Variants in TPD52 observed in about 807,000 individuals in gnomAD.
The protein encoded by TPD52 is prostate and colon associated protein.
TPD52 carries 17 observed loss-of-function variants against 31.3 expected under a neutral mutation model. The ratio of observed to expected loss-of-function variants is 0.54; its 90% CI spans 0.37 to 0.82. TPD52 has a LOEUF of 0.82. Among genes scored for constraint, TPD52 ranks in the 40% least tolerant of loss-of-function variants. The probability of loss-of-function intolerance (pLI) is 0.00; values close to 1 mark genes in which losing one functional copy is unlikely to be tolerated. For missense variants in TPD52, 212 were observed against 240.1 expected (o/e 0.88, Z 0.77); for synonymous variants, 83 against 89.6 (o/e 0.93, Z 0.42).
At chr8:80,051,666 T>A in intron 3 of TPD52, 38 bp from the exon 4 acceptor site, 1 of 1,481,204 alleles carries the variant, frequency 6.8e-7, no homozygotes, top group Non-Finnish European at 9.1e-7. Context: ...AAAAGAAGGG[T>A]CAGCTCATCT....
At chr8:80,065,269 ATATATCTATATCTATATATC>A (rs1812997351) in intron 1 of TPD52, among the ~76,000 whole-genome samples, 1 of 144,286 alleles carries the variant, frequency 6.9e-6, no homozygotes, top group Non-Finnish European at 1.5e-5. Context: ...ATCTATCTAT[ATATATCTATATCTATATATC>A]TATATCTATC....
At chr8:80,161,346 C>T (rs1334099744) in intron 1 of TPD52, among the ~76,000 whole-genome samples, 1 of 152,180 alleles carries the variant, frequency 6.6e-6, no homozygotes, top group African/African-American at 2.4e-5. Context: ...CCCTGCCAAA[C>T]CATGTTCCTT....
chr8:80,079,138 T>C (rs1017465918), intron 1 of TPD52, among the ~76,000 whole-genome samples: 6 of 152,132 alleles, frequency 3.9e-5, no homozygotes, highest in Admixed American at 1.3e-4. Flanking sequence ...AAATTATACA[T>C]AAAATTTATA....
At chr8:80,163,263 A>G (rs1227871105) in intron 1 of TPD52, among the ~76,000 whole-genome samples, 1 of 152,240 alleles carries the variant, frequency 6.6e-6, no homozygotes, top group East Asian at 1.9e-4. Flanking sequence ...AAAATGTAGT[A>G]CATACATACA....
At chr8:80,070,435 G>A (rs1372586564) in intron 1 of TPD52, among the ~76,000 whole-genome samples, 2 of 152,114 alleles carry the variant, frequency 1.3e-5, no homozygotes, top group Admixed American at 6.5e-5. Flanking sequence ...ATTTTTCCAC[G>A]GCGGTTGGGG....
intron 1 of TPD52, among the ~76,000 whole-genome samples, chr8:80,163,597 TA>T (rs1354852342): frequency 6.6e-6 from 1 of 152,318 alleles, no homozygotes; most frequent in East Asian, 1.9e-4. Context: ...TAAAAACGAT[TA>T]AGATGGTAAA....
At chr8:80,108,653 G>A (rs1318312319) in intron 1 of TPD52, among the ~76,000 whole-genome samples, 1 of 152,120 alleles carries the variant, frequency 6.6e-6, no homozygotes, top group Non-Finnish European at 1.5e-5. Flanking sequence ...ATGAAAGTGG[G>A]TAAGAATTCT....
At chr8:80,124,565 C>A (rs932538089) in intron 1 of TPD52, among the ~76,000 whole-genome samples, 1 of 152,146 alleles carries the variant, frequency 6.6e-6, no homozygotes, top group African/African-American at 2.4e-5. Flanking sequence ...CATACACACA[C>A]AGTATGGCAT....
intron 1 of TPD52, among the ~76,000 whole-genome samples, chr8:80,155,159 G>C (rs1810872340): frequency 6.6e-6 from 1 of 152,000 alleles, no homozygotes; most frequent in African/African-American, 2.4e-5. Context: ...AACTGCTCCA[G>C]GCCTGATGTT....
At chr8:80,061,659 G>A (rs990165371) in intron 2 of TPD52, among the ~76,000 whole-genome samples, 11 of 152,210 alleles carry the variant, frequency 7.2e-5, no homozygotes, top group African/African-American at 2.2e-4. Context: ...ACTCTAGCAT[G>A]GGTGACAGAG....
intron 1 of TPD52, among the ~76,000 whole-genome samples, chr8:80,107,887 T>C (rs1807242910): frequency 6.6e-6 from 1 of 152,194 alleles, no homozygotes; most frequent in Admixed American, 6.5e-5. Flanking sequence ...GACAGATTGG[T>C]GTTGGCTCTG....
rs1261586223 is a variant in TPD52, at chr8:80,072,577, G to A, written c.20-7984C>T. On this transcript the variant is annotated intron_variant, in intron 1 of 7. Coordinates refer to ENST00000518937, the MANE Select transcript of TPD52 (RefSeq NM_001025253.3). Reference sequence around the variant, plus strand: ...TATATACATGTACACATAGATATGCGTGTATATACATGTACACATAGATAT... The same window carrying A: ...TATATACATGTACACATAGATATGCATGTATATACATGTACACATAGATAT... Among the ~76,000 whole-genome samples, 8 of 92,170 alleles carry A rather than the reference G, an allele frequency of 8.7e-5. 1 individual carries two copies. The highest frequency in any genetic ancestry group is 3.5e-4 in the Admixed American group (3 of 8,466). The allele number at this position is 92,170 out of a possible 152,430, so 60.5% of individuals were successfully genotyped here.
At chr8:80,081,543 TTCTAA>T (rs879646361) in intron 1 of TPD52, among the ~76,000 whole-genome samples, 3 of 151,996 alleles carry the variant, frequency 2.0e-5, no homozygotes, top group South Asian at 2.1e-4. Context: ...AAAGGCAGTG[TTCTAA>T]TCTAATCTAA....
chr8:80,036,596 T>C lies in TPD52; in HGVS notation c.*1520A>G, dbSNP rs1809927861. Reference sequence around the variant, plus strand: ...TAAATATTGAGACCTATACTACTGATAGATGGAATTTATTAAGCTTTTCAC... The same window carrying C: ...TAAATATTGAGACCTATACTACTGACAGATGGAATTTATTAAGCTTTTCAC... On this transcript the variant is annotated 3_prime_UTR_variant, in exon 8 of 8. Transcript: ENST00000518937. The C allele has an allele frequency of 6.6e-6, 1 of 152,602 alleles. No homozygotes were observed. Among genetic ancestry groups the C allele is most frequent in the South Asian group, 2.1e-4 (1 of 4,828 alleles). The allele number at this position is 152,602 out of a possible 1,614,324, so 9.5% of individuals were successfully genotyped here. A position where few individuals can be genotyped will look rare whatever the true frequency, so the allele number is the denominator to read the frequency against.
At chr8:80,167,169 A>C (rs1279234488) in intron 1 of TPD52, among the ~76,000 whole-genome samples, 1 of 152,186 alleles carries the variant, frequency 6.6e-6, no homozygotes, top group East Asian at 1.9e-4. Context: ...ACATGGCTAA[A>C]ATTATGGTTT....
chr8:80,146,252 C>G (rs1435136122), intron 1 of TPD52, among the ~76,000 whole-genome samples: 1 of 152,182 alleles, frequency 6.6e-6, no homozygotes, highest in Non-Finnish European at 1.5e-5. Context: ...GGATGTATAG[C>G]CCCTGGAAGT....
At chr8:80,072,624 T>C (rs1427171825) in intron 1 of TPD52, among the ~76,000 whole-genome samples, 2 of 143,472 alleles carry the variant, frequency 1.4e-5, no homozygotes, top group South Asian at 2.2e-4. Context: ...CATGTACACA[T>C]AGATATGCGT....
intron 6 of TPD52, 110 bp from the exon 7 acceptor site, chr8:80,042,778 A>G (rs901660357): frequency 1.0e-6 from 1 of 979,494 alleles, no homozygotes; most frequent in Non-Finnish European, 1.5e-6. Flanking sequence ...TCGGCAAAAG[A>G]ACAGATATAA....
chr8:80,142,740 C>CT (rs1440285974), intron 1 of TPD52, among the ~76,000 whole-genome samples: 24 of 152,228 alleles, frequency 1.6e-4, no homozygotes, highest in African/African-American at 4.8e-4. Context: ...GGGCAGAACT[C>CT]AACCTTCCCT....
Sources: gnomAD v4.1 joint callset for allele counts (sites outside exome capture counted in the v4.1 genomes callset) on GRCh38, gnomAD v4.1.1 for gene constraint, MANE v1.5 for transcripts, NCBI Gene and HGNC (gene_info 2026-07-23, HGNC 2026-07-21) for gene names.